Variants in ADCY6 observed in about 807,000 individuals in gnomAD.
ADCY6 encodes the protein adenylate cyclase type 6.
In ADCY6, 59 loss-of-function variants were observed where a neutral mutation model predicts 111.6. The ratio of observed to expected loss-of-function variants is 0.53; its 90% CI spans 0.43 to 0.66. The LOEUF (loss-of-function observed/expected upper bound fraction) is 0.66. Ranked by LOEUF, ADCY6 falls within the 30% of genes least tolerant of loss-of-function variation. ADCY6 has a pLI of 0.00. For missense variants in ADCY6, 1,242 were observed against 1,595.6 expected, an observed-to-expected ratio of 0.78 and a Z score of 3.78; for synonymous variants, 576 against 642.9, an observed-to-expected ratio of 0.90 and a Z score of 1.57.
Position 48,772,358 on chromosome 12 carries a change from C to T in ADCY6, c.2724G>A (p.Ala908=), listed in dbSNP as rs375078448. The change falls in exon 18 of 22, where the codon GCG becomes GCA. Residue 908 remains alanine (A), a synonymous_variant. Coordinates refer to ENST00000357869, the MANE Select transcript of ADCY6 (RefSeq NM_015270.5). ...CCACCTGCTGAGCATGCAGATACAG[C>T]GCCAGCGCAAACACCAGCAGAATCA... is the stretch of plus-strand genomic sequence containing the variant. ...TPVILLVFAL[A]LYLHAQQVES... 1.2e-5 allele frequency: 19 copies of T among 1,614,172 alleles called. No individual in the cohort carries two copies. Among genetic ancestry groups the T allele is most frequent in the South Asian group, 3.3e-5 (3 of 91,084 alleles).
chr12:48,783,089 G>A lies in ADCY6; in HGVS notation c.346C>T (p.Arg116Ter), dbSNP rs3730308. The A allele has an allele frequency of 1.9e-6, 3 of 1,611,584 alleles. No individual in the cohort carries two copies. The highest frequency in any genetic ancestry group is 1.7e-6 in the Non-Finnish European group (2 of 1,179,298). ...TGCACCAGACGGCGCCAGCAGGATC[G>A]CCCACTCCTGGGCACCGCGTCGGGC... ...VAPDAVPRSG[R>*]SCWRRLVQVF... is the part of the protein sequence containing the mutation. The change falls in exon 2 of 22, where the codon CGA becomes TGA. Residue 116 changes from arginine (R) to a stop codon, truncating the protein, a stop_gained. Coordinates refer to ENST00000357869, the MANE Select transcript of ADCY6 (RefSeq NM_015270.5). LOFTEE classifies it high-confidence loss of function.
chr12:48,781,093 G>A (rs1042248766), intron 2 of ADCY6, among the ~76,000 whole-genome samples: 1 of 151,842 alleles, frequency 6.6e-6, no homozygotes, highest in Admixed American at 6.6e-5. Context: ...AGCTACTCAG[G>A]AGGCCGAGGC....
chr12:48,777,223 G>A lies in ADCY6; in HGVS notation c.1257C>T (p.His419=). The A allele has an allele frequency of 6.2e-7, 1 of 1,613,362 alleles. No homozygotes were observed. The highest frequency in any genetic ancestry group is 8.5e-7 in the Non-Finnish European group (1 of 1,179,764). The stretch of plus-strand genomic sequence containing the variant: ...CCCCCAAGATCTTGATCCTCAGGCA[G>A]TGATTCTCCTGAATGGGAAGGAATT... ...ARFDKLAAEN[H]CLRIKILGDC... The change falls in exon 6 of 22, where the codon CAC becomes CAT. Residue 419 remains histidine, a synonymous_variant. Coordinates refer to ENST00000357869, the MANE Select transcript of ADCY6 (RefSeq NM_015270.5). The surrounding 1 kb of genome is among the most constrained non-coding windows in gnomAD (Gnocchi z 4.9).
rs1239915539 is a variant in ADCY6 at position 48,770,850 on chromosome 12, C to T, written c.3172G>A (p.Ala1058Thr). Residue 1058 changes from alanine to threonine, a missense_variant, in exon 20 of 22, where the codon GCC becomes ACC. Ala to Thr is a moderately conservative substitution (Grantham distance 58). Transcript: ENST00000357869. Reference protein sequence around the residue: ...YDQVGRSHITALADYAMRLME... With the variant: ...YDQVGRSHITTLADYAMRLME... ...AGCCGCATGGCGTAGTCAGCCAGGGCAGTGATGTGGGAGCGGCCCACCTGA... is the reference window on the plus strand; with the variant it reads ...AGCCGCATGGCGTAGTCAGCCAGGGTAGTGATGTGGGAGCGGCCCACCTGA... 6.2e-7 allele frequency: 1 copy of T among 1,614,116 alleles called. No individual in the cohort carries two copies.
intron 15 of ADCY6, 116 bp downstream of exon 15, chr12:48,773,824 G>T (rs1299517605): frequency 6.8e-7 from 1 of 1,476,026 alleles, no homozygotes; most frequent in South Asian, 1.3e-5. Context: ...GTTGCTCCTA[G>T]TGTGGGAGAC....
chr12:48,786,338 C>T (rs1194715321), intron 1 of ADCY6, among the ~76,000 whole-genome samples: 2 of 152,112 alleles, frequency 1.3e-5, no homozygotes, highest in Admixed American at 6.6e-5. Flanking sequence ...TCTCCTATAT[C>T]CCACAGAGCA....
At chr12:48,780,659 G>A (rs12301271) in intron 2 of ADCY6, among the ~76,000 whole-genome samples, 4,507 of 152,268 alleles carry the variant, frequency 0.03, 223 homozygotes, top group African/African-American at 0.1. Context: ...CATGCCAGTC[G>A]AGAGCAGGGA....
rs769080546 is a variant in ADCY6, at chr12:48,775,074, G to A, written c.1981-20C>T. The A allele has an allele frequency of 1.7e-5, 26 of 1,545,656 alleles. No homozygotes were observed. In the South Asian group the frequency reaches 3.1e-4, roughly 18 times the overall value. On this transcript the variant is annotated intron_variant, in intron 11 of 21. Transcript: ENST00000357869. Reference sequence around the variant, plus strand: ...GGAGTACTGAGGGAGAGGAGGCTGAGCTGAGTGCTGGGCCCTCCCTAAGGA... The same window carrying A: ...GGAGTACTGAGGGAGAGGAGGCTGAACTGAGTGCTGGGCCCTCCCTAAGGA...
rs1052713066 is a variant in ADCY6 at position 48,777,976 on chromosome 12, G to A, written c.1014+132C>T. Reference sequence around the variant, plus strand: ...ACAGGACAAAACCCCAGTATCACAGGGCCTCTGTGACGCACAACCCAGGGG... The same window carrying A: ...ACAGGACAAAACCCCAGTATCACAGAGCCTCTGTGACGCACAACCCAGGGG... On this transcript the variant is annotated intron_variant, in intron 3 of 21. Coordinates refer to ENST00000357869, the MANE Select transcript of ADCY6 (RefSeq NM_015270.5). The surrounding 1 kb of genome is among the most constrained non-coding windows in gnomAD (Gnocchi z 4.9). 3.0e-6 allele frequency: 4 copies of A among 1,340,310 alleles called. No individual in the cohort carries two copies. The highest frequency in any genetic ancestry group is 4.1e-6 in the Non-Finnish European group (4 of 986,924). The allele number at this position is 1,340,310 out of a possible 1,614,324, so 83.0% of individuals were successfully genotyped here. A position where few individuals can be genotyped will look rare whatever the true frequency, so the allele number is the denominator to read the frequency against.
chr12:48,783,607 C>A, intron 1 of ADCY6, 169 bp from the exon 2 acceptor site: 2 of 1,432,202 alleles, frequency 1.4e-6, no homozygotes, highest in Non-Finnish European at 1.8e-6. Flanking sequence ...ACAAGGGTAT[C>A]CCCAATCAAC....
At chr12:48,772,051 A>T in intron 18 of ADCY6, 78 bp from the exon 19 acceptor site, 1 of 1,523,462 alleles carries the variant, frequency 6.6e-7, no homozygotes, top group Non-Finnish European at 8.8e-7. Flanking sequence ...GGAAGTGCGG[A>T]TAAGAGGGAA....
rs977841178 is a variant in ADCY6 at position 48,782,188 on chromosome 12, C to T, written c.864+383G>A. ...CTGAGATGCTAAGGCCTGGACACAGCCTGCACTGCCTTTTCAGCCCCACGG... is the reference window on the plus strand; with the variant it reads ...CTGAGATGCTAAGGCCTGGACACAGTCTGCACTGCCTTTTCAGCCCCACGG... On this transcript the variant is annotated intron_variant, in intron 2 of 21. Transcript: ENST00000357869. The surrounding 1 kb of genome is among the most constrained non-coding windows in gnomAD (Gnocchi z 4.3). Among the ~76,000 whole-genome samples, 2 of 150,532 alleles carry T rather than the reference C, an allele frequency of 1.3e-5. No individual in the cohort carries two copies. Among genetic ancestry groups the T allele is most frequent in the African/African-American group, 5.0e-5 (2 of 39,834 alleles).
chr12:48,787,000 C>T lies in ADCY6; in HGVS notation c.-5+1906G>A, dbSNP rs115954331. On this transcript the variant is annotated intron_variant, in intron 1 of 21. Coordinates refer to ENST00000357869, the MANE Select transcript of ADCY6 (RefSeq NM_015270.5). Reference sequence around the variant, plus strand: ...TAGTTCTTCTCCTCACTCTACAACACTTTAAACCCAAACCTCTGTCATCGT... The same window carrying T: ...TAGTTCTTCTCCTCACTCTACAACATTTTAAACCCAAACCTCTGTCATCGT... 6.1e-3 allele frequency among the ~76,000 whole-genome samples: 936 copies of T among 152,314 alleles called. 5 individuals are homozygous for T. The highest frequency in any genetic ancestry group is 0.021 in the African/African-American group (883 of 41,566).
chr12:48,788,108 G>A (rs952278493), intron 1 of ADCY6, among the ~76,000 whole-genome samples: 6 of 152,154 alleles, frequency 3.9e-5, no homozygotes, highest in Middle Eastern at 3.2e-3. Context: ...TCGGACATGG[G>A]CCTCAATTCT....
rs1565651789 is a variant in ADCY6, at chr12:48,783,251, GA to G, written c.183del (p.Arg62GlyfsTer35). On this transcript the variant is annotated frameshift_variant, in exon 2 of 22. Transcript: ENST00000357869. LOFTEE classifies it high-confidence loss of function. The stretch of plus-strand genomic sequence containing the variant: ...AAGGCGTCATCCTGCCAGGGGCACC[GA>G]GGGGGGCCCGCAGGGGTGGGGCTGG... ...EPPSPTPAGP[P>X]RCPWQDDAFI... 6.2e-7 allele frequency: 1 copy of G among 1,610,456 alleles called. No individual in the cohort carries two copies.
intron 11 of ADCY6, 42 bp downstream of exon 11, chr12:48,775,261 C>G (rs759517907): frequency 5.6e-6 from 9 of 1,611,414 alleles, no homozygotes; most frequent in African/African-American, 2.7e-5. Flanking sequence ...TGCGACCTGC[C>G]CCTCCCCCAG....
rs778485526 is a variant in ADCY6, at chr12:48,771,839, C to G, written c.2922G>C (p.Ser974=). ...CAAACATAACAGCCACACACTCACA[C>G]GACTGATAGTAGAGTTCATCATTGC... ...ERRNDELYYQ[S]CECVAVMFAS... The change falls in exon 19 of 22, where the codon TCG becomes TCC. Residue 974 remains serine (S), a synonymous_variant. Transcript: ENST00000357869. This position sits in a 1 kb window ranked among gnomAD's most constrained non-coding sequence, Gnocchi z 4.3. The G allele has an allele frequency of 1.9e-6, 3 of 1,614,202 alleles. No individual in the cohort carries two copies. The highest frequency in any genetic ancestry group is 1.1e-5 in the South Asian group (1 of 91,084).
intron 2 of ADCY6, among the ~76,000 whole-genome samples, chr12:48,780,331 T>C (rs1033525058): frequency 1.3e-5 from 2 of 151,926 alleles, no homozygotes; most frequent in African/African-American, 4.8e-5. Context: ...CTCCTTCCTG[T>C]GATTGTGAGT....
chr12:48,783,002 A>G lies in ADCY6; in HGVS notation c.433T>C (p.Phe145Leu). ...KLERLYQRYF[F>L]QMNQSSLTLL... ...GTCAGGCTGCTCTGGTTCATCTGGA[A>G]GAAGTACCGCTGGTACAGGCGCTCC... The change falls in exon 2 of 22, where the codon TTC (phenylalanine) becomes CTC (leucine). Residue 145 changes from phenylalanine to leucine, a missense_variant. By Grantham distance (22) the Phe-to-Leu change is conservative (BLOSUM62 0). This residue lies in a region of ADCY6 where 362 missense variants were observed against 377.2 expected (regional missense o/e 0.96). Coordinates refer to ENST00000357869, the MANE Select transcript of ADCY6 (RefSeq NM_015270.5). The G allele has an allele frequency of 6.2e-7, 1 of 1,613,774 alleles. No individual in the cohort carries two copies. Among genetic ancestry groups the G allele is most frequent in the Admixed American group, 1.7e-5 (1 of 60,030 alleles).
Sources: gnomAD v4.1 joint callset for allele counts (sites outside exome capture counted in the v4.1 genomes callset) on GRCh38, gnomAD v4.1.1 for gene constraint, gnomAD v4.1.1 regional missense constraint, Gnocchi (gnomAD v3.1) non-coding constraint, MANE v1.5 for transcripts, NCBI Gene and HGNC (gene_info 2026-07-23, HGNC 2026-07-21) for gene names.